The following PCGF6 variants were observed in gnomAD, a reference collection of about 807,000 sequenced individuals.
The protein encoded by PCGF6 is polycomb group ring finger 6, also known as polycomb group RING finger protein 6.
Under a neutral mutation model 45.5 loss-of-function variants are expected in PCGF6, and 24 were observed. The ratio of observed to expected loss-of-function variants is 0.53; its 90% confidence interval spans 0.38 to 0.74. The LOEUF is 0.74. Ranked by LOEUF, PCGF6 falls within the 30% of genes least tolerant of loss-of-function variation. PCGF6 has a pLI of 0.00. For synonymous variants in PCGF6, 152 were observed against 162.1 expected (o/e 0.94, Z 0.47); for missense variants, 356 against 443.2 (o/e 0.80, Z 1.77).
intron 6 of PCGF6, among the ~76,000 whole-genome samples, chr10:103,343,637 A>G (rs2093288830): frequency 6.6e-6 from 1 of 151,908 alleles, no homozygotes; most frequent in Admixed American, 6.6e-5. Flanking sequence ...TCAGGAGACC[A>G]GCTTGGCCAA....
intron 6 of PCGF6, among the ~76,000 whole-genome samples, chr10:103,336,156 A>G (rs1450765142): frequency 6.6e-6 from 1 of 151,000 alleles, no homozygotes; most frequent in Non-Finnish European, 1.5e-5. Flanking sequence ...ATCGCTTGAA[A>G]TCGGGAGGCA....
rs927511639 is a variant in PCGF6 at position 103,332,660 on chromosome 10, G to A, written c.810+1265C>T. Among the ~76,000 whole-genome samples the A allele has an allele frequency of 6.6e-5, 10 of 152,212 alleles. No homozygotes were observed. In the South Asian group the frequency reaches 8.3e-4, roughly 13 times the overall value. On this transcript the variant is annotated intron_variant, in intron 7 of 9. Transcript: ENST00000369847. Reference sequence around the variant, plus strand: ...GACTACTACAGGTTATTAGACAGGCGTCTTCAGGGAACACTGGTAGCATAT... The same window carrying A: ...GACTACTACAGGTTATTAGACAGGCATCTTCAGGGAACACTGGTAGCATAT...
chr10:103,337,229 C>T (rs898056311), intron 6 of PCGF6, among the ~76,000 whole-genome samples: 2 of 152,082 alleles, frequency 1.3e-5, no homozygotes, highest in African/African-American at 4.8e-5. Context: ...TACTAAACAC[C>T]ACTGAGCTTA....
At chr10:103,318,230 G>C (rs1463272963) in intron 8 of PCGF6, among the ~76,000 whole-genome samples, 1 of 149,980 alleles carries the variant, frequency 6.7e-6, no homozygotes, top group East Asian at 2.0e-4. Context: ...ATCACCTGAG[G>C]TCAGGAGTTC....
At chr10:103,314,671 CG>C (rs1422737912) in intron 8 of PCGF6, among the ~76,000 whole-genome samples, 1 of 151,990 alleles carries the variant, frequency 6.6e-6, no homozygotes, top group African/African-American at 2.4e-5. Context: ...TCATTAAGGC[CG>C]GGAGCAGTGG....
At chr10:103,337,977 T>C (rs1163622211) in intron 6 of PCGF6, among the ~76,000 whole-genome samples, 1 of 66,724 alleles carries the variant, frequency 1.5e-5, no homozygotes, top group Non-Finnish European at 3.1e-5. Context: ...GGCAGGAGAA[T>C]GGCGTGAACC....
chr10:103,337,443 G>GT (rs1423907885), intron 6 of PCGF6, among the ~76,000 whole-genome samples: 1 of 152,076 alleles, frequency 6.6e-6, no homozygotes, highest in Non-Finnish European at 1.5e-5. Flanking sequence ...AGTTGCTATT[G>GT]TAACCTCCAG....
intron 9 of PCGF6, among the ~76,000 whole-genome samples, chr10:103,304,223 G>C (rs1177201438): frequency 6.6e-6 from 1 of 150,552 alleles, no homozygotes; most frequent in Non-Finnish European, 1.5e-5. Context: ...TGCAACCTCT[G>C]CCTCCCAGGT....
rs537850756 is a variant in PCGF6, at chr10:103,323,696, G to A, written c.909+2838C>T. Among the ~76,000 whole-genome samples, 20 of 151,106 alleles carry A rather than the reference G, an allele frequency of 1.3e-4. No individual in the cohort carries two copies. In the East Asian group the frequency reaches 1.8e-3, roughly 13 times the overall value. On this transcript the variant is annotated intron_variant, in intron 8 of 9. Coordinates refer to ENST00000369847, the MANE Select transcript of PCGF6 (RefSeq NM_001011663.2). ...CAATCTCCACCTCCCGGGTAATAGC[G>A]ATTCTCTTGCCTCAGCCTCCTGAGT...
chr10:103,334,486 C>T (rs2093249883), intron 6 of PCGF6, among the ~76,000 whole-genome samples: 2 of 152,052 alleles, frequency 1.3e-5, no homozygotes, highest in African/African-American at 2.4e-5. Flanking sequence ...ATATTAGATT[C>T]CCCCTCACCC....
chr10:103,310,372 G>A (rs2093153008), intron 9 of PCGF6, among the ~76,000 whole-genome samples: 2 of 152,132 alleles, frequency 1.3e-5, no homozygotes, highest in Admixed American at 1.3e-4. Flanking sequence ...AGGAGCATGA[G>A]AGAACTCTCT....
chr10:103,316,626 CGGCA>C (rs2093177207), intron 8 of PCGF6, among the ~76,000 whole-genome samples: 1 of 152,006 alleles, frequency 6.6e-6, no homozygotes, highest in African/African-American at 2.4e-5. Flanking sequence ...TCTCAGGGGT[CGGCA>C]AACCGTTTCT....
At chr10:103,305,634 G>C (rs920751672) in intron 9 of PCGF6, among the ~76,000 whole-genome samples, 4 of 152,040 alleles carry the variant, frequency 2.6e-5, no homozygotes, top group African/African-American at 9.7e-5. Context: ...CTACTACAAC[G>C]CATCGCAGAT....
At chr10:103,310,644 T>C (rs903154942) in intron 9 of PCGF6, among the ~76,000 whole-genome samples, 3 of 152,290 alleles carry the variant, frequency 2.0e-5, no homozygotes, top group East Asian at 3.9e-4. Context: ...TTTTGAGCAG[T>C]TGTTCCATTG....
chr10:103,339,959 C>T (rs1217318585), intron 6 of PCGF6, among the ~76,000 whole-genome samples: 3 of 130,838 alleles, frequency 2.3e-5, no homozygotes, highest in East Asian at 4.4e-4. Context: ...GTCAAGAGTT[C>T]GAGACCAGCC....
intron 9 of PCGF6, among the ~76,000 whole-genome samples, chr10:103,309,469 T>A (rs1489589382): frequency 6.6e-6 from 1 of 152,232 alleles, no homozygotes; most frequent in Non-Finnish European, 1.5e-5. Flanking sequence ...GTTTTTGCCT[T>A]CAGCCATGAT....
chr10:103,317,921 G>A (rs1002435626), intron 8 of PCGF6, among the ~76,000 whole-genome samples: 20 of 151,380 alleles, frequency 1.3e-4, no homozygotes, highest in Non-Finnish European at 4.4e-5. Flanking sequence ...ACCACGCATG[G>A]CTAATTTTGT....
intron 9 of PCGF6, among the ~76,000 whole-genome samples, chr10:103,311,973 C>A (rs1160051029): frequency 2.0e-5 from 3 of 150,338 alleles, no homozygotes; most frequent in Non-Finnish European, 4.4e-5. Context: ...ATAGTCCCAG[C>A]TACTTGGCAG....
At chr10:103,329,678 G>T (rs2093232712) in intron 7 of PCGF6, among the ~76,000 whole-genome samples, 4 of 151,626 alleles carry the variant, frequency 2.6e-5, no homozygotes, top group African/African-American at 9.7e-5. Flanking sequence ...TCACCATGTT[G>T]GCCAGGCTGG....
Sources: allele counts gnomAD v4.1 joint callset (sites outside exome capture counted in the v4.1 genomes callset), GRCh38; gene constraint gnomAD v4.1.1; transcripts MANE v1.5; gene names NCBI Gene and HGNC (gene_info 2026-07-23, HGNC 2026-07-21).